The following APMAP variants were observed in gnomAD, a reference collection of about 807,000 sequenced individuals.
The protein encoded by APMAP is adipocyte plasma membrane associated protein, also known as adipocyte plasma membrane-associated protein.
In APMAP, 33 loss-of-function variants were observed where a neutral mutation model predicts 43.6. That is an observed-to-expected ratio of 0.76 (90% confidence interval 0.57 to 1.01). APMAP has a LOEUF of 1.01. APMAP is among the 50% of genes least tolerant of loss of function. The pLI, the probability that APMAP is intolerant of heterozygous loss-of-function variation, is 0.00. For synonymous variants in APMAP, 224 were observed against 216.7 expected (o/e 1.03, Z -0.30); for missense variants, 498 against 540.7 (o/e 0.92, Z 0.78).
intron 1 of APMAP, among the ~76,000 whole-genome samples, chr20:24,986,341 A>G (rs6050235): frequency 0.12 from 18,960 of 152,106 alleles, 1,522 homozygotes; most frequent in African/African-American, 0.22. Context: ...GGTGGTCCAG[A>G]CCCTACAAAC....
intron 1 of APMAP, among the ~76,000 whole-genome samples, chr20:24,990,082 G>A (rs1375940453): frequency 6.6e-6 from 1 of 152,192 alleles, no homozygotes; most frequent in African/African-American, 2.4e-5. Context: ...CAAACAGAAA[G>A]GAATAGTTCC....
rs1424237222 is a variant in APMAP, at chr20:24,963,030, A to G, written c.*783T>C. ...TACAGCAACTTGGGGCTTATAACAC[A>G]TGAGCAAAGATGACATTAACACGTG... On this transcript the variant is annotated 3_prime_UTR_variant, in exon 9 of 9. Coordinates refer to ENST00000217456, the MANE Select transcript of APMAP (RefSeq NM_020531.3). 1 of 152,226 alleles carries G rather than the reference A, an allele frequency of 6.6e-6. No homozygotes were observed. The highest frequency in any genetic ancestry group is 1.5e-5 in the Non-Finnish European group (1 of 68,044). The allele number at this position is 152,226 out of a possible 1,614,324, so 9.4% of individuals were successfully genotyped here. A position where few individuals can be genotyped will look rare whatever the true frequency, so the allele number is the denominator to read the frequency against.
At chr20:24,969,682 G>C in intron 6 of APMAP, 22 bp from the exon 7 acceptor site, 1 of 1,592,684 alleles carries the variant, frequency 6.3e-7, no homozygotes. Flanking sequence ...CAAAAGCAGA[G>C]GGTTATGGGG....
chr20:24,969,381 G>A, intron 7 of APMAP, 145 bp downstream of exon 7: 2 of 1,330,366 alleles, frequency 1.5e-6, no homozygotes, highest in Non-Finnish European at 1.0e-6. Flanking sequence ...GAGAAAGAAA[G>A]CGCACCCTTG....
In APMAP at chr20:24,992,728, C is replaced by G; in HGVS notation, c.-40G>C. 1 of 1,422,798 alleles carries G rather than the reference C, an allele frequency of 7.0e-7. No homozygotes were observed. Among genetic ancestry groups the G allele is most frequent in the Non-Finnish European group, 9.3e-7 (1 of 1,073,052 alleles). The allele number at this position is 1,422,798 out of a possible 1,614,324, so 88.1% of individuals were successfully genotyped here. A position where few individuals can be genotyped will look rare whatever the true frequency, so the allele number is the denominator to read the frequency against. ...CCTCACCCGCAGAAACCACCTCACACTGAGCGGCGCCGGCTCAGACTCCAG... is the reference window on the plus strand; with the variant it reads ...CCTCACCCGCAGAAACCACCTCACAGTGAGCGGCGCCGGCTCAGACTCCAG... On this transcript the variant is annotated 5_prime_UTR_variant, in exon 1 of 9. Transcript: ENST00000217456.
At position 24,980,759 on chromosome 20, in the gene APMAP, A is replaced by G. The variant is rs182508823; in HGVS notation, c.213-1877T>C. Among the ~76,000 whole-genome samples the G allele has an allele frequency of 1.0e-3, 156 of 149,866 alleles. 1 individual carries two copies. Among genetic ancestry groups the G allele is most frequent in the African/African-American group, 3.7e-3 (148 of 40,512 alleles). On this transcript the variant is annotated intron_variant, in intron 2 of 8. Coordinates refer to ENST00000217456, the MANE Select transcript of APMAP (RefSeq NM_020531.3). ...CCACAATGACAAAAGCAGACCTACC[A>G]GCTTCGCTCGGCCTCGGTCACTTCT...
intron 6 of APMAP, 144 bp from the exon 7 acceptor site, chr20:24,969,804 C>T (rs2087983425): frequency 2.5e-6 from 3 of 1,182,906 alleles, no homozygotes; most frequent in Non-Finnish European, 3.4e-6. Context: ...TGATTCGAGG[C>T]TGGCCCCTGG....
chr20:24,985,880 C>G (rs1441474180), intron 1 of APMAP, among the ~76,000 whole-genome samples: 1 of 152,190 alleles, frequency 6.6e-6, no homozygotes, highest in African/African-American at 2.4e-5. Context: ...ACGAACACTG[C>G]TGGCACTGCT....
intron 1 of APMAP, among the ~76,000 whole-genome samples, chr20:24,985,795 C>T (rs2088142163): frequency 6.6e-6 from 1 of 151,984 alleles, no homozygotes; most frequent in Non-Finnish European, 1.5e-5. Context: ...AAAGACTCTA[C>T]TTGTGAGGTC....
At chr20:24,984,138 C>G (rs1227449795) in intron 1 of APMAP, 119 bp from the exon 2 acceptor site, 3 of 686,172 alleles carry the variant, frequency 4.4e-6, no homozygotes. Context: ...CCACTGCAAG[C>G]TGGCCGACCT....
At chr20:24,967,804 TC>T (rs1054811858) in intron 8 of APMAP, among the ~76,000 whole-genome samples, 7 of 152,006 alleles carry the variant, frequency 4.6e-5, no homozygotes, top group African/African-American at 1.7e-4. Flanking sequence ...CCATTTTGCC[TC>T]CCCCTAGGTC....
rs1183703298 is a variant in APMAP at position 24,980,605 on chromosome 20, C to T, written c.213-1723G>A. ...CTTGGCCTCGGTCACCTCTACGCGC[C>T]GGGCAGTGCAGGGCCACCACAGTCA... On this transcript the variant is annotated intron_variant, in intron 2 of 8. Transcript: ENST00000217456. Among the ~76,000 whole-genome samples, 5 of 150,774 alleles carry T rather than the reference C, an allele frequency of 3.3e-5. No homozygotes were observed. The East Asian group carries it at 5.9e-4, about 18-fold the overall frequency.
At chr20:24,966,829 T>G (rs908220975) in intron 8 of APMAP, among the ~76,000 whole-genome samples, 6 of 152,116 alleles carry the variant, frequency 3.9e-5, no homozygotes, top group African/African-American at 2.4e-5. Flanking sequence ...TGTGGGCATC[T>G]CCTGGTTTCA....
Position 24,983,891 on chromosome 20 carries a change from G to T in APMAP, c.212+12C>A. On this transcript the variant is annotated intron_variant, in intron 2 of 8. Transcript: ENST00000217456. ...TCAAGCAACCCCTCCTGAGGACTGC[G>T]GGGCAGCCTACCTGAGAGGCTGTGG... 1 of 1,577,056 alleles carries T rather than the reference G, an allele frequency of 6.3e-7. No homozygotes were observed.
At chr20:24,969,383 G>T in intron 7 of APMAP, 143 bp downstream of exon 7, 1 of 1,330,436 alleles carries the variant, frequency 7.5e-7, no homozygotes, top group Non-Finnish European at 1.0e-6. Flanking sequence ...GAAAGAAAGC[G>T]CACCCTTGAA....
chr20:24,968,904 C>A lies in APMAP; in HGVS notation c.1029G>T (p.Arg343Ser). The A allele has an allele frequency of 6.3e-7, 1 of 1,587,666 alleles. No individual in the cohort carries two copies. Among genetic ancestry groups the A allele is most frequent in the African/African-American group, 1.4e-5 (1 of 73,578 alleles). ...TTTTCACAGTTACCTTAAAAATCAT[C>A]CTTTTAATCCAGGGTCTCTCAGATA... ...DFLSERPWIK[R>S]MIFKLFSQET... is the part of the protein sequence containing the mutation. The change falls in exon 8 of 9, where the codon AGG (arginine) becomes AGT (serine). Residue 343 changes from arginine to serine, a missense_variant. Coordinates refer to ENST00000217456, the MANE Select transcript of APMAP (RefSeq NM_020531.3).
At chr20:24,980,774 C>T (rs1011252236) in intron 2 of APMAP, among the ~76,000 whole-genome samples, 3 of 151,634 alleles carry the variant, frequency 2.0e-5, no homozygotes, top group Non-Finnish European at 4.4e-5. Flanking sequence ...CGCTCGGCCT[C>T]GGTCACTTCT....
chr20:24,971,403 T>G, intron 5 of APMAP, 57 bp downstream of exon 5: 1 of 1,433,370 alleles, frequency 7.0e-7, no homozygotes, highest in Non-Finnish European at 9.8e-7. Context: ...TACACATACA[T>G]ATATTGTTTA....
At chr20:24,973,620 C>T (rs1467141445) in intron 4 of APMAP, 25 bp downstream of exon 4, 2 of 1,594,614 alleles carry the variant, frequency 1.3e-6, no homozygotes, top group African/African-American at 1.3e-5. Flanking sequence ...GGAAGAGACA[C>T]ATCGAGGGAT....
Sources: allele counts gnomAD v4.1 joint callset (sites outside exome capture counted in the v4.1 genomes callset), GRCh38; gene constraint gnomAD v4.1.1; transcripts MANE v1.5; gene names NCBI Gene and HGNC (gene_info 2026-07-23, HGNC 2026-07-21).